Variants in ZNF431 observed in about 807,000 individuals in gnomAD.
ZNF431 encodes zinc finger protein 431.
In ZNF431, 34 loss-of-function variants were observed where a neutral mutation model predicts 57.0. The ratio of observed to expected loss-of-function variants is 0.60; its 90% CI spans 0.45 to 0.79. ZNF431 has a LOEUF of 0.79. Ranked by LOEUF, ZNF431 falls within the 30% of genes least tolerant of loss-of-function variation. The probability of loss-of-function intolerance (pLI) is 0.00; values close to 1 mark genes in which losing one functional copy is unlikely to be tolerated. For missense variants in ZNF431, 607 were observed against 667.1 expected (o/e 0.91, Z 0.99); for synonymous variants, 207 against 220.3 (o/e 0.94, Z 0.54).
chr19:21,165,938 G>T (rs938764805), intron 2 of ZNF431, among the ~76,000 whole-genome samples: 7 of 152,000 alleles, frequency 4.6e-5, no homozygotes, highest in Non-Finnish European at 7.4e-5. Context: ...AATCTTCATG[G>T]CAGGATCTCC....
Position 21,166,397 on chromosome 19 carries a change from C to T in ZNF431, c.159C>T (p.Asn53=). The change falls in exon 3 of 5, where the codon AAC becomes AAT. Residue 53 remains asparagine, a synonymous_variant. Transcript: ENST00000311048. ...CTCTGGAGGAGTGGGAATGCCTGAACCCTGCTCAGCAGAATTTATATATGA... is the reference window on the plus strand; with the variant it reads ...CTCTGGAGGAGTGGGAATGCCTGAATCCTGCTCAGCAGAATTTATATATGA... ...EFSLEEWECL[N]PAQQNLYMNV... is the part of the protein sequence containing the mutation. 1 of 1,611,216 alleles carries T rather than the reference C, an allele frequency of 6.2e-7. No homozygotes were observed. Among genetic ancestry groups the T allele is most frequent in the South Asian group, 1.1e-5 (1 of 90,280 alleles).
intron 4 of ZNF431, 45 bp downstream of exon 4, chr19:21,167,711 A>C (rs754817843): frequency 7.4e-5 from 102 of 1,377,708 alleles, no homozygotes; most frequent in Non-Finnish European, 9.6e-5. Context: ...TGAGAGGTCC[A>C]AAGCTTAAAA....
chr19:21,152,240 GA>G (rs1970294322), intron 2 of ZNF431, among the ~76,000 whole-genome samples: 1 of 152,130 alleles, frequency 6.6e-6, no homozygotes, highest in African/African-American at 2.4e-5. Context: ...ATAAGAAAGA[GA>G]AAAGAGAGAA....
At chr19:21,164,469 T>C (rs1320447957) in intron 2 of ZNF431, among the ~76,000 whole-genome samples, 2 of 152,280 alleles carry the variant, frequency 1.3e-5, no homozygotes, top group African/African-American at 2.4e-5. Flanking sequence ...TCTTCTGTTA[T>C]AAAGGAGAGA....
At chr19:21,170,761 C>T (rs759315415) in intron 4 of ZNF431, among the ~76,000 whole-genome samples, 1 of 151,938 alleles carries the variant, frequency 6.6e-6, no homozygotes, top group African/African-American at 2.4e-5. Flanking sequence ...GCAACCTGCA[C>T]CTCCCAGGTT....
chr19:21,146,957 GA>G (rs1970117025), intron 2 of ZNF431, among the ~76,000 whole-genome samples: 1 of 152,170 alleles, frequency 6.6e-6, no homozygotes, highest in Non-Finnish European at 1.5e-5. Context: ...ACTTCATGCT[GA>G]ATAGGGGTGA....
chr19:21,172,873 T>C (rs974356697), intron 4 of ZNF431, among the ~76,000 whole-genome samples: 2 of 152,190 alleles, frequency 1.3e-5, no homozygotes, highest in Admixed American at 6.5e-5. Context: ...ATTTCACATG[T>C]TGTGAAACTA....
At chr19:21,152,295 G>A (rs1970295914) in intron 2 of ZNF431, among the ~76,000 whole-genome samples, 1 of 152,186 alleles carries the variant, frequency 6.6e-6, no homozygotes, top group African/African-American at 2.4e-5. Flanking sequence ...GAGCTGAGGG[G>A]TCCAGAGAAA....
chr19:21,146,879 CA>C (rs1417914638), intron 2 of ZNF431, among the ~76,000 whole-genome samples: 1 of 152,142 alleles, frequency 6.6e-6, no homozygotes, highest in Non-Finnish European at 1.5e-5. Flanking sequence ...ACATCTCCCC[CA>C]TCTTTTTCAC....
At position 21,166,471 on chromosome 19, in the gene ZNF431, A is replaced by G. The variant is rs749259765; in HGVS notation, c.223+10A>G. The G allele has an allele frequency of 1.3e-6, 2 of 1,587,630 alleles. No homozygotes were observed. The highest frequency in any genetic ancestry group is 1.7e-6 in the Non-Finnish European group (2 of 1,172,888). The stretch of plus-strand genomic sequence containing the variant: ...AACCTGGTCTTCTTGGGTGAGAATA[A>G]CTTTCATACACAATTCTTAATATGC... On this transcript the variant is annotated intron_variant, in intron 3 of 4. Transcript: ENST00000311048.
chr19:21,158,012 C>A (rs1417617166), intron 2 of ZNF431, among the ~76,000 whole-genome samples: 1 of 152,108 alleles, frequency 6.6e-6, no homozygotes, highest in Non-Finnish European at 1.5e-5. Flanking sequence ...ATTGCCTTGG[C>A]AATTCAGGCT....
At chr19:21,155,585 G>A (rs1281511926) in intron 2 of ZNF431, among the ~76,000 whole-genome samples, 2 of 152,090 alleles carry the variant, frequency 1.3e-5, no homozygotes, top group Non-Finnish European at 2.9e-5. Context: ...GATGGGGATG[G>A]CATTGAATCT....
At chr19:21,168,825 A>G (rs1970799701) in intron 4 of ZNF431, among the ~76,000 whole-genome samples, 1 of 151,994 alleles carries the variant, frequency 6.6e-6, no homozygotes, top group Non-Finnish European at 1.5e-5. Context: ...ATTGTATCAG[A>G]TAGTTTTAAG....
rs1971408519 is a variant in ZNF431 at position 21,187,668 on chromosome 19, G to A, written c.*3634G>A. On this transcript the variant is annotated 3_prime_UTR_variant, in exon 5 of 5. Coordinates refer to ENST00000311048, the MANE Select transcript of ZNF431 (RefSeq NM_133473.4). The stretch of plus-strand genomic sequence containing the variant: ...CAGGAGAATCGCTTGAACACGACAG[G>A]TGGAGGTTGCAGTGTGGCGAGATTG... The A allele has an allele frequency of 6.6e-6, 1 of 152,130 alleles. No individual in the cohort carries two copies. The highest frequency in any genetic ancestry group is 1.5e-5 in the Non-Finnish European group (1 of 68,052). 9.4% of individuals were successfully genotyped at this position (152,130 alleles called of 1,614,324 possible).
chr19:21,161,399 G>A (rs1970561403), intron 2 of ZNF431, among the ~76,000 whole-genome samples: 2 of 151,928 alleles, frequency 1.3e-5, no homozygotes, highest in African/African-American at 2.4e-5. Flanking sequence ...ATTATTATTC[G>A]TGTTTCTTTT....
chr19:21,150,713 C>G (rs1479747347), intron 2 of ZNF431, among the ~76,000 whole-genome samples: 1 of 152,166 alleles, frequency 6.6e-6, no homozygotes, highest in African/African-American at 2.4e-5. Context: ...TTATGTTTCT[C>G]TGATCCAAAT....
chr19:21,153,382 G>A (rs749046012), intron 2 of ZNF431, among the ~76,000 whole-genome samples: 4 of 152,070 alleles, frequency 2.6e-5, no homozygotes, highest in Non-Finnish European at 5.9e-5. Flanking sequence ...GGCTGCTCTG[G>A]TTCAGTACAC....
intron 2 of ZNF431, among the ~76,000 whole-genome samples, chr19:21,159,546 T>C (rs966066555): frequency 2.0e-5 from 3 of 152,038 alleles, no homozygotes; most frequent in Admixed American, 6.6e-5. Flanking sequence ...GTAATTTTTG[T>C]ATTTCTCGTA....
rs927955753 is a variant in ZNF431 at position 21,189,605 on chromosome 19, C to T, written c.*5571C>T. The T allele has an allele frequency of 3.3e-6, 1 of 304,706 alleles. No individual in the cohort carries two copies. Among genetic ancestry groups the T allele is most frequent in the South Asian group, 1.6e-4 (1 of 6,206 alleles). The allele number at this position is 304,706 out of a possible 1,614,324, so 18.9% of individuals were successfully genotyped here. A position where few individuals can be genotyped will look rare whatever the true frequency, so the allele number is the denominator to read the frequency against. ...AGTCACCATGTTGTGCAATAAATCT[C>T]TTGAACTTATTTCTTCCATTTGACT... On this transcript the variant is annotated 3_prime_UTR_variant, in exon 5 of 5. Coordinates refer to ENST00000311048, the MANE Select transcript of ZNF431 (RefSeq NM_133473.4).
Sources: gnomAD v4.1 joint callset for allele counts (sites outside exome capture counted in the v4.1 genomes callset) on GRCh38, gnomAD v4.1.1 for gene constraint, MANE v1.5 for transcripts, NCBI Gene and HGNC (gene_info 2026-07-23, HGNC 2026-07-21) for gene names.